Variants in ATP9B observed in about 807,000 individuals in gnomAD.
ATP9B encodes the protein probable phospholipid-transporting ATPase IIB.
In ATP9B, 110 loss-of-function variants were observed where a neutral mutation model predicts 146.1. That is an observed-to-expected ratio of 0.75 (90% confidence interval 0.65 to 0.88). The LOEUF (loss-of-function observed/expected upper bound fraction) is 0.88. ATP9B is among the 40% of genes least tolerant of loss of function. The pLI, the probability that ATP9B is intolerant of heterozygous loss-of-function variation, is 0.00. For synonymous variants in ATP9B, 604 were observed against 569.7 expected (o/e 1.06, Z -0.86); for missense variants, 1,499 against 1,496.4 (o/e 1.00, Z -0.03).
chr18:79,200,881 C>A (rs1418790836), intron 9 of ATP9B, among the ~76,000 whole-genome samples: 2 of 141,546 alleles, frequency 1.4e-5, no homozygotes, highest in Non-Finnish European at 3.1e-5. Flanking sequence ...CCTGAGGCTC[C>A]CACACCCTTT....
chr18:79,303,114 G>A (rs953079766), intron 13 of ATP9B, among the ~76,000 whole-genome samples: 4 of 152,186 alleles, frequency 2.6e-5, no homozygotes, highest in Non-Finnish European at 2.9e-5. Context: ...AGTGGCTCAC[G>A]TCTATAATCA....
chr18:79,228,079 T>C (rs998787739), intron 11 of ATP9B, among the ~76,000 whole-genome samples: 1 of 152,250 alleles, frequency 6.6e-6, no homozygotes, highest in African/African-American at 2.4e-5. Flanking sequence ...AGTGAATCAA[T>C]GCAGGACATA....
At chr18:79,360,475 C>G (rs1378117427) in intron 26 of ATP9B, 3 of 152,128 alleles carry the variant, frequency 2.0e-5, no homozygotes, top group Non-Finnish European at 4.4e-5. Flanking sequence ...AACTGAGAAA[C>G]TAGACTCCTG....
chr18:79,122,357 A>T (rs1251768047), intron 4 of ATP9B, among the ~76,000 whole-genome samples: 2 of 152,176 alleles, frequency 1.3e-5, no homozygotes, highest in East Asian at 3.8e-4. Context: ...TATTTCTTGG[A>T]TTCAAAGATG....
intron 11 of ATP9B, among the ~76,000 whole-genome samples, chr18:79,246,759 A>G (rs868424932): frequency 3.3e-5 from 5 of 152,230 alleles, no homozygotes; most frequent in South Asian, 4.1e-4. Context: ...CCAGCCGCCT[A>G]TGGGAGGTGT....
intron 15 of ATP9B, 42 bp downstream of exon 15, chr18:79,307,276 T>G: frequency 3.7e-6 from 6 of 1,612,360 alleles, no homozygotes; most frequent in Non-Finnish European, 5.1e-6. Flanking sequence ...TCCGTTCCAT[T>G]TGGACTCCAG....
In ATP9B at chr18:79,143,787, T is replaced by A. The variant is rs762275166; in HGVS notation, c.668-15T>A. The A allele has an allele frequency of 5.2e-6, 8 of 1,551,648 alleles. No individual in the cohort carries two copies. The highest frequency in any genetic ancestry group is 2.4e-5 in the South Asian group (2 of 81,722). On this transcript the variant is annotated splice_polypyrimidine_tract_variant and intron_variant, in intron 5 of 29. Transcript: ENST00000426216. Reference sequence around the variant, plus strand: ...GTTGTTTCCTTGAGTTGACTGTACTTCTTCTTTTTTTAAGGTAAAGTGCAA... The same window carrying A: ...GTTGTTTCCTTGAGTTGACTGTACTACTTCTTTTTTTAAGGTAAAGTGCAA...
At chr18:79,274,551 C>T (rs1325301785) in intron 12 of ATP9B, among the ~76,000 whole-genome samples, 3 of 152,074 alleles carry the variant, frequency 2.0e-5, no homozygotes, top group Non-Finnish European at 4.4e-5. Context: ...GTATTAGATG[C>T]ATTCTGTGTG....
chr18:79,096,055 G>A (rs1328836808), intron 1 of ATP9B, among the ~76,000 whole-genome samples: 2 of 152,246 alleles, frequency 1.3e-5, no homozygotes, highest in East Asian at 3.8e-4. Flanking sequence ...CTTCTAGAAT[G>A]TTGGTTGATG....
rs1195760243 is a variant in ATP9B, at chr18:79,377,384, G to C, written c.*1G>C. 6.2e-7 allele frequency: 1 copy of C among 1,606,852 alleles called. No individual in the cohort carries two copies. The highest frequency in any genetic ancestry group is 1.3e-5 in the African/African-American group (1 of 74,938). On this transcript the variant is annotated 3_prime_UTR_variant, in exon 30 of 30. Transcript: ENST00000426216. ...CAGCTACTGCAAGCTGGCCTCCTAA[G>C]GGGCTGTGCACCCCCAGCGGGCTGG...
chr18:79,070,023 T>TAC (rs2071537990), intron 1 of ATP9B, among the ~76,000 whole-genome samples: 1 of 152,226 alleles, frequency 6.6e-6, no homozygotes, highest in Non-Finnish European at 1.5e-5. Context: ...AACATATATA[T>TAC]ACAAAGTGCT....
chr18:79,107,904 G>T (rs1439799310), intron 2 of ATP9B, among the ~76,000 whole-genome samples: 1 of 152,202 alleles, frequency 6.6e-6, no homozygotes, highest in African/African-American at 2.4e-5. Context: ...TCTTAGAGAA[G>T]TCACTTGCCT....
intron 13 of ATP9B, among the ~76,000 whole-genome samples, chr18:79,302,920 A>T (rs1321868455): frequency 6.6e-6 from 1 of 152,198 alleles, no homozygotes; most frequent in Non-Finnish European, 1.5e-5. Flanking sequence ...TTTCTCAGGC[A>T]GTGTTCTATA....
At chr18:79,346,138 G>GTCAGCACACAC (rs538412776) in intron 23 of ATP9B, among the ~76,000 whole-genome samples, 4 of 149,682 alleles carry the variant, frequency 2.7e-5, no homozygotes, top group Non-Finnish European at 5.9e-5. Context: ...CCAGCGCACA[G>GTCAGCACACAC]TCAGCACACA....
chr18:79,258,638 C>T (rs572766028), intron 12 of ATP9B, among the ~76,000 whole-genome samples: 8 of 152,268 alleles, frequency 5.3e-5, no homozygotes, highest in South Asian at 2.1e-4. Flanking sequence ...GGATGATAGC[C>T]GGCTTTCTGC....
Position 79,331,826 on chromosome 18 carries a change from A to G in ATP9B, c.2028+1722A>G, listed in dbSNP as rs117469461. ...GACTTAAAATAGTGATGTTCCGGAT[A>G]GCTGGAGGTGTTGAGGTGATTGGCT... On this transcript the variant is annotated intron_variant, in intron 17 of 29. Coordinates refer to ENST00000426216, the MANE Select transcript of ATP9B (RefSeq NM_198531.5). Among the ~76,000 whole-genome samples the G allele has an allele frequency of 4.9e-3, 741 of 152,334 alleles. 4 individuals carry two copies. The highest frequency in any genetic ancestry group is 0.028 in the South Asian group (134 of 4,830).
At chr18:79,153,957 C>CTTTTT (rs11285884) in intron 6 of ATP9B, among the ~76,000 whole-genome samples, 2 of 103,236 alleles carry the variant, frequency 1.9e-5, no homozygotes, top group Admixed American at 9.6e-5. Flanking sequence ...TGACATGCAG[C>CTTTTT]TTTTTTTTTT....
intron 9 of ATP9B, among the ~76,000 whole-genome samples, chr18:79,193,754 A>G (rs1194473736): frequency 6.6e-6 from 1 of 152,214 alleles, no homozygotes; most frequent in African/African-American, 2.4e-5. Context: ...GGCTTGAGAG[A>G]CTCAATAACT....
At chr18:79,335,009 G>A (rs1445308722) in intron 17 of ATP9B, among the ~76,000 whole-genome samples, 4 of 150,250 alleles carry the variant, frequency 2.7e-5, no homozygotes. Context: ...GTGGCCGCAT[G>A]AGGCCTGTCC....
Sources: gnomAD v4.1 joint callset for allele counts (sites outside exome capture counted in the v4.1 genomes callset) on GRCh38, gnomAD v4.1.1 for gene constraint, MANE v1.5 for transcripts, NCBI Gene and HGNC (gene_info 2026-07-23, HGNC 2026-07-21) for gene names.